The following PPP1R10 variants were observed in gnomAD, a reference collection of about 807,000 sequenced individuals.
The protein encoded by PPP1R10 is serine/threonine-protein phosphatase 1 regulatory subunit 10.
Under a neutral mutation model 99.0 loss-of-function variants are expected in PPP1R10, and 15 were observed. That is an observed-to-expected ratio of 0.15 (90% CI 0.10 to 0.23). The LOEUF (loss-of-function observed/expected upper bound fraction) is 0.23, where lower values mean the gene tolerates loss of function less well. Among genes scored for constraint, PPP1R10 ranks in the 10% least tolerant of loss-of-function variants. The probability of loss-of-function intolerance (pLI) is 1.00; values close to 1 mark genes in which losing one functional copy is unlikely to be tolerated. For missense variants in PPP1R10, 947 were observed against 1,259.4 expected, an observed-to-expected ratio of 0.75 and a Z score of 3.75; for synonymous variants, 430 against 449.5, an observed-to-expected ratio of 0.96 and a Z score of 0.55.
At chr6:30,615,283 G>C (rs529156615) in intron 2 of PPP1R10, among the ~76,000 whole-genome samples, 2 of 149,528 alleles carry the variant, frequency 1.3e-5, no homozygotes, top group African/African-American at 2.5e-5. Flanking sequence ...AATAATCTTT[G>C]ACCTATTTTG....
rs1434959490 is a variant in PPP1R10, at chr6:30,601,947, C to G, written c.2702G>C (p.Ser901Thr). The change falls in exon 19 of 20, where the codon AGC becomes ACC. Residue 901 changes from serine (S) to threonine (T), a missense_variant. By Grantham distance (58) the Ser-to-Thr change is moderately conservative. This residue lies in a region of PPP1R10 where 525 missense variants were observed against 578.8 expected (regional missense o/e 0.91). Transcript: ENST00000376511. ...GGHRGHDGGHSHGGDMSNRPV... is the reference protein window; with the variant it reads ...GGHRGHDGGHTHGGDMSNRPV... The stretch of plus-strand genomic sequence containing the variant: ...GGGAGCATCCTCACCTCCTCCATGG[C>G]TGTGGCCTCCATCGTGCCCTCGGTG... The G allele has an allele frequency of 6.6e-7, 1 of 1,509,892 alleles. No homozygotes were observed. The highest frequency in any genetic ancestry group is 1.3e-5 in the South Asian group (1 of 74,396). The allele number at this position is 1,509,892 out of a possible 1,614,324, so 93.5% of individuals were successfully genotyped here.
Position 30,604,821 on chromosome 6 carries a change from A to G in PPP1R10, c.955-86T>C. Reference sequence around the variant, plus strand: ...TCCAGGGTCCCAGGCACAGTCCCCCAACAGTTCCTATATAAAGGAAGACTC... The same window carrying G: ...TCCAGGGTCCCAGGCACAGTCCCCCGACAGTTCCTATATAAAGGAAGACTC... On this transcript the variant is annotated intron_variant, in intron 11 of 19. Coordinates refer to ENST00000376511, the MANE Select transcript of PPP1R10 (RefSeq NM_002714.4). This position sits in a 1 kb window ranked among gnomAD's most constrained non-coding sequence, Gnocchi z 7.3. 6.3e-7 allele frequency: 1 copy of G among 1,576,832 alleles called. No homozygotes were observed. Among genetic ancestry groups the G allele is most frequent in the Non-Finnish European group, 8.7e-7 (1 of 1,148,038 alleles).
rs764533172 is a variant in PPP1R10, at chr6:30,604,554, A to C, written c.1102+34T>G. 7.4e-6 allele frequency: 12 copies of C among 1,612,692 alleles called. No homozygotes were observed. The Admixed American group carries it at 1.8e-4, about 25-fold the overall frequency. On this transcript the variant is annotated intron_variant, in intron 12 of 19. Transcript: ENST00000376511. The surrounding 1 kb of genome is among the most constrained non-coding windows in gnomAD (Gnocchi z 7.3). Reference sequence around the variant, plus strand: ...TTCAGACCCAGATCCCTCCTTTCAGAAAACCCCCCAAACTGAACCAGTTTC... The same window carrying C: ...TTCAGACCCAGATCCCTCCTTTCAGCAAACCCCCCAAACTGAACCAGTTTC...
chr6:30,609,630 C>T lies in PPP1R10; in HGVS notation c.107+208G>A, dbSNP rs1020064961. The stretch of plus-strand genomic sequence containing the variant: ...AGCATGACTCCCTTGGGACCGTGGA[C>T]GTCCAAATCTCCAGTTTCCATTATG... On this transcript the variant is annotated intron_variant, in intron 3 of 19. Transcript: ENST00000376511. This position sits in a 1 kb window ranked among gnomAD's most constrained non-coding sequence, Gnocchi z 4.5. Among the ~76,000 whole-genome samples, 2 of 152,206 alleles carry T rather than the reference C, an allele frequency of 1.3e-5. No individual in the cohort carries two copies. Among genetic ancestry groups the T allele is most frequent in the Non-Finnish European group, 2.9e-5 (2 of 68,028 alleles).
rs764545070 is a variant in PPP1R10, at chr6:30,602,513, TCCTCCTCGG to T, written c.2127_2135del (p.Arg710_Gly712del). 6 of 1,570,032 alleles carry T rather than the reference TCCTCCTCGG, an allele frequency of 3.8e-6. No individual in the cohort carries two copies. The South Asian group carries it at 4.6e-5, about 12-fold the overall frequency. ...GAGGAGGAGGAGGAGGAGGTTCGTT[TCCTCCTCGG>T]CCACCTCGGCCTCTATGGTATGGTC... is the stretch of plus-strand genomic sequence containing the variant. On this transcript the variant is annotated inframe_deletion, in exon 19 of 20. Transcript: ENST00000376511. This position sits in a 1 kb window ranked among gnomAD's most constrained non-coding sequence, Gnocchi z 6.7.
intron 5 of PPP1R10, among the ~76,000 whole-genome samples, chr6:30,608,220 G>T (rs949828508): frequency 6.6e-6 from 1 of 151,700 alleles, no homozygotes; most frequent in African/African-American, 2.4e-5. Context: ...TTGAACTACT[G>T]GGCTCAAGCA....
At chr6:30,611,948 A>C (rs1804602170) in intron 2 of PPP1R10, among the ~76,000 whole-genome samples, 1 of 152,220 alleles carries the variant, frequency 6.6e-6, no homozygotes, top group Non-Finnish European at 1.5e-5. Flanking sequence ...TATTCTTCCC[A>C]TGTAGTGAGA....
chr6:30,606,948 A>T lies in PPP1R10; in HGVS notation c.383-92T>A, dbSNP rs1397438522. ...GGGAGGTTTGAGAAAATATTGTGAAAATTTATGTAACGGAGAAAGTAACCC... is the reference window on the plus strand; with the variant it reads ...GGGAGGTTTGAGAAAATATTGTGAATATTTATGTAACGGAGAAAGTAACCC... On this transcript the variant is annotated intron_variant, in intron 6 of 19. Transcript: ENST00000376511. This position sits in a 1 kb window ranked among gnomAD's most constrained non-coding sequence, Gnocchi z 6.3. 2.5e-6 allele frequency: 3 copies of T among 1,185,790 alleles called. No individual in the cohort carries two copies. The highest frequency in any genetic ancestry group is 3.7e-6 in the Non-Finnish European group (3 of 820,490). 73.5% of individuals were successfully genotyped at this position (1,185,790 alleles called of 1,614,324 possible).
intron 2 of PPP1R10, among the ~76,000 whole-genome samples, chr6:30,610,507 TG>T (rs1394474037): frequency 6.6e-6 from 1 of 152,184 alleles, no homozygotes; most frequent in East Asian, 1.9e-4. Flanking sequence ...ATGTATCAGC[TG>T]AAGTGGTAGA....
chr6:30,617,060 A>G (rs1184373175), intron 1 of PPP1R10, 62 bp from the exon 2 acceptor site: 1 of 152,440 alleles, frequency 6.6e-6, no homozygotes, highest in African/African-American at 2.4e-5. Context: ...CAAAACACTC[A>G]CAAATGCCAT....
chr6:30,615,896 A>G (rs1189400806), intron 2 of PPP1R10, among the ~76,000 whole-genome samples: 4 of 152,188 alleles, frequency 2.6e-5, no homozygotes, highest in African/African-American at 9.7e-5. Flanking sequence ...AATATACCCC[A>G]AGCAAATTAC....
chr6:30,612,064 A>G (rs1429709446), intron 2 of PPP1R10, among the ~76,000 whole-genome samples: 1 of 152,234 alleles, frequency 6.6e-6, no homozygotes, highest in African/African-American at 2.4e-5. Flanking sequence ...GGGTTCCAAT[A>G]ACAACATATC....
Position 30,616,936 on chromosome 6 carries a change from G to A in PPP1R10, c.-470C>T, listed in dbSNP as rs977317693. The A allele has an allele frequency of 1.3e-5, 2 of 152,322 alleles. No homozygotes were observed. Among genetic ancestry groups the A allele is most frequent in the African/African-American group, 2.4e-5 (1 of 41,406 alleles). The allele number at this position is 152,322 out of a possible 1,614,324, so 9.4% of individuals were successfully genotyped here. A position where few individuals can be genotyped will look rare whatever the true frequency, so the allele number is the denominator to read the frequency against. On this transcript the variant is annotated 5_prime_UTR_variant, in exon 2 of 20. Coordinates refer to ENST00000376511, the MANE Select transcript of PPP1R10 (RefSeq NM_002714.4). The stretch of plus-strand genomic sequence containing the variant: ...TCAGGATCCTTTCAAGGGCTTAGAT[G>A]TTGCTGCGGCTTGTTTCTGTTTTCC...
chr6:30,601,882 A>G, intron 19 of PPP1R10, 54 bp downstream of exon 19: 2 of 1,455,782 alleles, frequency 1.4e-6, no homozygotes, highest in Non-Finnish European at 1.8e-6. Context: ...CCCACTCCCC[A>G]AAAGCTTGTA....
In PPP1R10 at chr6:30,609,978, A is replaced by T. The variant is rs1241270282; in HGVS notation, c.-11-23T>A. The T allele has an allele frequency of 3.3e-6, 5 of 1,532,404 alleles. No individual in the cohort carries two copies. In the Admixed American group the frequency reaches 8.4e-5, roughly 26 times the overall value. 94.9% of individuals were successfully genotyped at this position (1,532,404 alleles called of 1,614,324 possible). A position where few individuals can be genotyped will look rare whatever the true frequency, so the allele number is the denominator to read the frequency against. On this transcript the variant is annotated intron_variant, in intron 2 of 19. Coordinates refer to ENST00000376511, the MANE Select transcript of PPP1R10 (RefSeq NM_002714.4). The surrounding 1 kb of genome is among the most constrained non-coding windows in gnomAD (Gnocchi z 4.5). ...TTTCTATGGTAAGAGGACAAAACAA[A>T]CAAACCCACAGAATAAATGGGTGGC...
At chr6:30,616,051 CAAA>C (rs779386261) in intron 2 of PPP1R10, among the ~76,000 whole-genome samples, 1 of 152,190 alleles carries the variant, frequency 6.6e-6, no homozygotes, top group South Asian at 2.1e-4. Context: ...GTCTCACACA[CAAA>C]GAAGTGGTAC....
intron 2 of PPP1R10, among the ~76,000 whole-genome samples, chr6:30,616,266 C>T (rs1760521272): frequency 6.6e-6 from 1 of 152,214 alleles, no homozygotes; most frequent in African/African-American, 2.4e-5. Flanking sequence ...TTGCCTGCAG[C>T]AAGGCAGGGA....
At position 30,602,818 on chromosome 6, in the gene PPP1R10, C is replaced by A; in HGVS notation, c.1957+28G>T. 1.3e-6 allele frequency: 2 copies of A among 1,547,094 alleles called. No homozygotes were observed. Among genetic ancestry groups the A allele is most frequent in the Non-Finnish European group, 1.8e-6 (2 of 1,141,644 alleles). On this transcript the variant is annotated intron_variant, in intron 18 of 19. Transcript: ENST00000376511. The surrounding 1 kb of genome is among the most constrained non-coding windows in gnomAD (Gnocchi z 6.7). ...TCAGACTGAAATTAAGCAGATAAGCCCATTCCAACCTTTTACTCACCACCT... is the reference window on the plus strand; with the variant it reads ...TCAGACTGAAATTAAGCAGATAAGCACATTCCAACCTTTTACTCACCACCT...
At position 30,609,281 on chromosome 6, in the gene PPP1R10, G is replaced by A. The variant is rs1804302366; in HGVS notation, c.108-118C>T. 1.1e-6 allele frequency: 1 copy of A among 874,750 alleles called. No individual in the cohort carries two copies. Among genetic ancestry groups the A allele is most frequent in the East Asian group, 2.6e-5 (1 of 38,806 alleles). 54.2% of individuals were successfully genotyped at this position (874,750 alleles called of 1,614,324 possible). On this transcript the variant is annotated intron_variant, in intron 3 of 19. Coordinates refer to ENST00000376511, the MANE Select transcript of PPP1R10 (RefSeq NM_002714.4). This position sits in a 1 kb window ranked among gnomAD's most constrained non-coding sequence, Gnocchi z 4.5. ...TGACTTGGGACTTTGCTCCAGAGAAGGGGAGTCACATATACCTCTAGGAAG... is the reference window on the plus strand; with the variant it reads ...TGACTTGGGACTTTGCTCCAGAGAAAGGGAGTCACATATACCTCTAGGAAG...
Sources: gnomAD v4.1 joint callset for allele counts (sites outside exome capture counted in the v4.1 genomes callset) on GRCh38, gnomAD v4.1.1 for gene constraint, gnomAD v4.1.1 regional missense constraint, Gnocchi (gnomAD v3.1) non-coding constraint, MANE v1.5 for transcripts, NCBI Gene and HGNC (gene_info 2026-07-23, HGNC 2026-07-21) for gene names.